Variants in LANCL3 observed in about 807,000 individuals in gnomAD.
LANCL3 encodes lanC-like protein 3.
Under a neutral mutation model 26.5 loss-of-function variants are expected in LANCL3, and 19 were observed. The observed-to-expected ratio is 0.72, with a 90% CI of 0.50 to 1.05. LANCL3 has a LOEUF of 1.05. Ranked by LOEUF, LANCL3 falls within the 50% of genes least tolerant of loss-of-function variation. The pLI is 0.00. For synonymous variants in LANCL3, 160 were observed against 166.6 expected (o/e 0.96, Z 0.30); for missense variants, 318 against 362.7 (o/e 0.88, Z 1.00).
intron 1 of LANCL3, among the ~76,000 whole-genome samples, chrX:37,592,352 T>A (rs1464481844): frequency 8.9e-6 from 1 of 112,541 alleles, no homozygotes; most frequent in African/African-American, 3.2e-5. Flanking sequence ...GCCAGTGAAC[T>A]TTTTAGGATG....
chrX:37,596,759 T>C (rs1451893630), intron 1 of LANCL3, among the ~76,000 whole-genome samples: 1 of 112,402 alleles, frequency 8.9e-6, no homozygotes, highest in African/African-American at 3.2e-5. Context: ...CTTTAGTGAC[T>C]TCTAGAAAAT....
At chrX:37,593,495 A>C (rs1350221889) in intron 1 of LANCL3, among the ~76,000 whole-genome samples, 19 of 112,323 alleles carry the variant, frequency 1.7e-4, no homozygotes, top group African/African-American at 6.1e-4. Context: ...CATTTTTAAA[A>C]TATGGAGATA....
chrX:37,645,716 A>G (rs1465308389), intron 1 of LANCL3, among the ~76,000 whole-genome samples: 1 of 112,160 alleles, frequency 8.9e-6, no homozygotes, highest in Non-Finnish European at 1.9e-5. Context: ...CCTCTGCTGC[A>G]ACCAGCCTCT....
At chrX:37,629,280 C>G (rs1201783470) in intron 1 of LANCL3, among the ~76,000 whole-genome samples, 1 of 106,496 alleles carries the variant, frequency 9.4e-6, no homozygotes, top group Middle Eastern at 4.7e-3. Context: ...CCTTCGCCCA[C>G]TTTTTGATGG....
chrX:37,616,908 C>T (rs185368115), intron 1 of LANCL3, among the ~76,000 whole-genome samples: 19 of 111,645 alleles, frequency 1.7e-4, no homozygotes, highest in South Asian at 3.8e-4. Context: ...TGGACCCCAG[C>T]GGTCTGACTT....
At position 37,572,189 on chromosome X, in the gene LANCL3, G is replaced by A; in HGVS notation, c.319G>A (p.Glu107Lys). ...KRLIDACARA[E>K]EWGEPDADTR... ...CCTCATCGACGCGTGCGCCCGCGCT[G>A]AGGAGTGGGGCGAACCGGACGCCGA... Residue 107 changes from glutamate to lysine, a missense_variant, in exon 1 of 5, where the codon GAG becomes AAG. Coordinates refer to ENST00000378619, the MANE Select transcript of LANCL3 (RefSeq NM_001170331.2). The A allele has an allele frequency of 1.7e-6, 2 of 1,176,564 alleles. No homozygotes were observed. The highest frequency in any genetic ancestry group is 2.3e-6 in the Non-Finnish European group (2 of 882,877).
At position 37,572,162 on chromosome X, in the gene LANCL3, C is replaced by A. The variant is rs2146699688; in HGVS notation, c.292C>A (p.Arg98Ser). 8.4e-7 allele frequency: 1 copy of A among 1,190,489 alleles called. No homozygotes were observed. The highest frequency in any genetic ancestry group is 1.1e-6 in the Non-Finnish European group (1 of 890,383). Reference protein sequence around the residue: ...ARERYLRSAKRLIDACARAEE... With the variant: ...ARERYLRSAKSLIDACARAEE... ...GGAACGCTACCTGCGCTCGGCTAAG[C>A]GCCTCATCGACGCGTGCGCCCGCGC... is the stretch of plus-strand genomic sequence containing the variant. Residue 98 changes from arginine (R) to serine (S), a missense_variant, in exon 1 of 5, where the codon CGC becomes AGC. Transcript: ENST00000378619.
intron 1 of LANCL3, among the ~76,000 whole-genome samples, chrX:37,625,072 C>A (rs560383905): frequency 9.0e-6 from 1 of 111,440 alleles, no homozygotes; most frequent in East Asian, 2.8e-4. Flanking sequence ...ATAGAAGACT[C>A]TTTGGAGAGC....
intron 1 of LANCL3, among the ~76,000 whole-genome samples, chrX:37,633,591 G>A (rs782767299): frequency 1.8e-5 from 2 of 111,026 alleles, no homozygotes; most frequent in African/African-American, 6.6e-5. Flanking sequence ...TGATGGTGAT[G>A]TACAGATGGG....
rs569017402 is a variant in LANCL3, at chrX:37,628,393, G to A, written c.574-27295G>A. On this transcript the variant is annotated intron_variant, in intron 1 of 4. Transcript: ENST00000378619. The stretch of plus-strand genomic sequence containing the variant: ...CTCAGAACTATCCTACATTAATGAA[G>A]TATAAAGGGAAGTGACAATTAAATG... Among the ~76,000 whole-genome samples, 85 of 111,094 alleles carry A rather than the reference G, an allele frequency of 7.7e-4. No homozygotes were observed. In the South Asian group the frequency reaches 0.031, roughly 41 times the overall value.
At chrX:37,665,027 A>G (rs1456324000) in intron 3 of LANCL3, among the ~76,000 whole-genome samples, 1 of 111,665 alleles carries the variant, frequency 9.0e-6, no homozygotes, top group African/African-American at 3.3e-5. Flanking sequence ...CATACACGTC[A>G]TTGGCTTCAT....
chrX:37,655,152 A>G (rs1556430411), intron 1 of LANCL3, among the ~76,000 whole-genome samples: 1 of 112,604 alleles, frequency 8.9e-6, no homozygotes, highest in African/African-American at 3.2e-5. Context: ...TGTTGACACT[A>G]TTGGACTTTG....
At chrX:37,598,429 C>G (rs1556419694) in intron 1 of LANCL3, among the ~76,000 whole-genome samples, 1 of 111,710 alleles carries the variant, frequency 9.0e-6, no homozygotes, top group East Asian at 2.8e-4. Context: ...TTCCAGTGTG[C>G]AACCGAGGTA....
chrX:37,574,746 A>T (rs1421860844), intron 1 of LANCL3, among the ~76,000 whole-genome samples: 1 of 107,670 alleles, frequency 9.3e-6, no homozygotes, highest in Non-Finnish European at 1.9e-5. Context: ...CTCCTACTCT[A>T]CTCCTTGCTC....
intron 1 of LANCL3, among the ~76,000 whole-genome samples, chrX:37,574,533 A>G (rs1923693557): frequency 2.7e-5 from 3 of 111,941 alleles, no homozygotes; most frequent in Non-Finnish European, 5.6e-5. Flanking sequence ...AGTGCAATAT[A>G]CTTTGAGCTA....
chrX:37,634,716 T>C (rs1556425157), intron 1 of LANCL3, among the ~76,000 whole-genome samples: 1 of 112,206 alleles, frequency 8.9e-6, no homozygotes, highest in African/African-American at 3.2e-5. Flanking sequence ...TGCATAAGTA[T>C]TAGATTTACT....
intron 1 of LANCL3, among the ~76,000 whole-genome samples, chrX:37,606,097 G>A (rs975166403): frequency 4.5e-5 from 5 of 111,418 alleles, no homozygotes; most frequent in African/African-American, 1.6e-4. Flanking sequence ...TGAAATACTG[G>A]GGAAACCAGC....
intron 1 of LANCL3, among the ~76,000 whole-genome samples, chrX:37,648,527 A>G (rs897105138): frequency 8.9e-6 from 1 of 112,355 alleles, no homozygotes; most frequent in Admixed American, 9.4e-5. Flanking sequence ...AACCTAGACA[A>G]TACCATTCAT....
chrX:37,657,768 A>G (rs1301856777), intron 2 of LANCL3, among the ~76,000 whole-genome samples: 10 of 111,249 alleles, frequency 9.0e-5, no homozygotes, highest in African/African-American at 3.3e-4. Flanking sequence ...ACAATTTCGA[A>G]TCCAGCAAAA....
Sources: allele counts gnomAD v4.1 joint callset (sites outside exome capture counted in the v4.1 genomes callset), GRCh38; gene constraint gnomAD v4.1.1; transcripts MANE v1.5; gene names NCBI Gene and HGNC (gene_info 2026-07-23, HGNC 2026-07-21).